Variants in RBBP4 observed in about 807,000 individuals in gnomAD.
The protein encoded by RBBP4 is histone-binding protein RBBP4.
Under a neutral mutation model 57.2 loss-of-function variants are expected in RBBP4, and 3 were observed. The ratio of observed to expected loss-of-function variants is 0.05; its 90% CI spans 0.02 to 0.14. The LOEUF (loss-of-function observed/expected upper bound fraction) is 0.14, where lower values mean the gene tolerates loss of function less well. Ranked by LOEUF, RBBP4 falls within the 10% of genes least tolerant of loss-of-function variation. RBBP4 has a pLI of 1.00. For synonymous variants in RBBP4, 151 were observed against 171.5 expected (o/e 0.88, Z 0.93); for missense variants, 107 against 520.6 (o/e 0.21, Z 7.73).
Position 32,683,234 on chromosome 1 carries a change from C to G in RBBP4, c.*3529C>G, listed in dbSNP as rs1159782121. The G allele has an allele frequency of 6.8e-6, 1 of 147,794 alleles. No individual in the cohort carries two copies. The highest frequency in any genetic ancestry group is 1.5e-5 in the Non-Finnish European group (1 of 67,490). 9.2% of individuals were successfully genotyped at this position (147,794 alleles called of 1,614,324 possible). On this transcript the variant is annotated 3_prime_UTR_variant, in exon 12 of 12. Coordinates refer to ENST00000373493, the MANE Select transcript of RBBP4 (RefSeq NM_005610.3). Reference sequence around the variant, plus strand: ...GAGGCAGAGGTCACGCCACTGCACTCCAGCCTGGCAACAGAGCAAGACTCC... The same window carrying G: ...GAGGCAGAGGTCACGCCACTGCACTGCAGCCTGGCAACAGAGCAAGACTCC...
At chr1:32,662,808 A>G (rs1162674827) in intron 3 of RBBP4, among the ~76,000 whole-genome samples, 2 of 149,282 alleles carry the variant, frequency 1.3e-5, no homozygotes, top group African/African-American at 4.9e-5. Context: ...ACGTGGTGAA[A>G]CCCCATCTCT....
Position 32,657,048 on chromosome 1 carries a change from G to A in RBBP4, c.165-379G>A, listed in dbSNP as rs61798953. ...CTCTGCACGTTGGGAGGCTGAGGTG[G>A]GTGGATAATTTGAGGCCAGGCGTTC... On this transcript the variant is annotated intron_variant, in intron 2 of 11. Coordinates refer to ENST00000373493, the MANE Select transcript of RBBP4 (RefSeq NM_005610.3). 6.5e-3 allele frequency among the ~76,000 whole-genome samples: 989 copies of A among 152,192 alleles called. 6 individuals are homozygous for A. Among genetic ancestry groups the A allele is most frequent in the Non-Finnish European group, 0.011 (741 of 67,978 alleles).
At chr1:32,670,541 G>C (rs2148527595) in intron 8 of RBBP4, among the ~76,000 whole-genome samples, 1 of 150,772 alleles carries the variant, frequency 6.6e-6, no homozygotes, top group African/African-American at 2.4e-5. Context: ...TGTAGCCTTT[G>C]CTATCAAGGA....
rs145752475 is a variant in RBBP4, at chr1:32,669,588, T to C, written c.966+25T>C. 399 of 1,582,828 alleles carry C rather than the reference T, an allele frequency of 2.5e-4. 1 individual carries two copies. The highest frequency in any genetic ancestry group is 1.7e-3 in the African/African-American group (124 of 72,960). The stretch of plus-strand genomic sequence containing the variant: ...GGTAAGAGAAACTAATGCTACTATT[T>C]TGTTTGTTTTAAGAAAAACCTGCTG... On this transcript the variant is annotated intron_variant, in intron 8 of 11. Transcript: ENST00000373493. This position sits in a 1 kb window ranked among gnomAD's most constrained non-coding sequence, Gnocchi z 4.9.
chr1:32,676,612 C>CAA (rs1229475952), intron 11 of RBBP4, among the ~76,000 whole-genome samples: 72 of 57,926 alleles, frequency 1.2e-3, no homozygotes, highest in African/African-American at 2.8e-3. Context: ...AACTCCATCT[C>CAA]AAAAAAAAAA....
chr1:32,657,823 A>G (rs1648208391), intron 3 of RBBP4: 2 of 384,954 alleles, frequency 5.2e-6, no homozygotes, highest in African/African-American at 4.2e-5. Flanking sequence ...TGCAATTGAA[A>G]GAAGCAAAAA....
chr1:32,684,051 G>A lies in RBBP4; in HGVS notation c.*4346G>A, dbSNP rs1570892957. 2 of 1,614,214 alleles carry A rather than the reference G, an allele frequency of 1.2e-6. No homozygotes were observed. Among genetic ancestry groups the A allele is most frequent in the African/African-American group, 1.3e-5 (1 of 75,062 alleles). On this transcript the variant is annotated 3_prime_UTR_variant, in exon 12 of 12. Coordinates refer to ENST00000373493, the MANE Select transcript of RBBP4 (RefSeq NM_005610.3). Reference sequence around the variant, plus strand: ...CATTCCACCTGCCTGAGAAGTGGGAGCATCAGCCTGTTCCAGGCTCTTGGG... The same window carrying A: ...CATTCCACCTGCCTGAGAAGTGGGAACATCAGCCTGTTCCAGGCTCTTGGG...
At chr1:32,653,601 G>A (rs958681684) in intron 2 of RBBP4, among the ~76,000 whole-genome samples, 11 of 122,840 alleles carry the variant, frequency 9.0e-5, no homozygotes, top group Non-Finnish European at 1.9e-4. Context: ...TAGAAATTGG[G>A]AGTTAGAAGC....
rs145764736 is a variant in RBBP4 at position 32,658,139 on chromosome 1, C to T, written c.310+567C>T. The stretch of plus-strand genomic sequence containing the variant: ...GAGTGCTGGAATTACAGGCGTGAGC[C>T]ACTGCACCCATCCATATTGCTATAC... On this transcript the variant is annotated intron_variant, in intron 3 of 11. Transcript: ENST00000373493. Among the ~76,000 whole-genome samples the T allele has an allele frequency of 7.6e-3, 1,157 of 152,268 alleles. 20 individuals are homozygous for T. The highest frequency in any genetic ancestry group is 0.027 in the African/African-American group (1,105 of 41,554).
chr1:32,673,143 C>A (rs1648944532), intron 11 of RBBP4, among the ~76,000 whole-genome samples: 1 of 152,138 alleles, frequency 6.6e-6, no homozygotes, highest in South Asian at 2.1e-4. Context: ...CCTTTTCCCT[C>A]TCCTCCTTCT....
At chr1:32,677,533 C>G (rs527932347) in intron 11 of RBBP4, among the ~76,000 whole-genome samples, 1 of 151,788 alleles carries the variant, frequency 6.6e-6, no homozygotes, top group Admixed American at 6.6e-5. Context: ...TTCTTGGGTT[C>G]TGTGAGTCAT....
intron 11 of RBBP4, among the ~76,000 whole-genome samples, chr1:32,678,556 G>C: frequency 9.2e-6 from 1 of 108,306 alleles, no homozygotes; most frequent in African/African-American, 3.4e-5. Context: ...AAATCCTAAA[G>C]TATGTGACAG....
intron 1 of RBBP4, chr1:32,651,581 C>G: frequency 9.9e-7 from 1 of 1,007,374 alleles, no homozygotes; most frequent in Non-Finnish European, 1.4e-6. Context: ...ATCGGTTTCT[C>G]GGCCTCTGTC....
intron 11 of RBBP4, 41 bp from the exon 12 acceptor site, chr1:32,679,599 G>A: frequency 6.6e-7 from 1 of 1,522,872 alleles, no homozygotes; most frequent in South Asian, 1.3e-5. Context: ...AGTTTTAGAA[G>A]AAGTCTTCAT....
At chr1:32,652,850 CA>C (rs1399986986) in intron 2 of RBBP4, among the ~76,000 whole-genome samples, 2 of 152,196 alleles carry the variant, frequency 1.3e-5, no homozygotes, top group Non-Finnish European at 2.9e-5. Context: ...CTGGCCTCAA[CA>C]AAACTTAATT....
At chr1:32,664,859 G>T (rs58974330) in intron 3 of RBBP4, among the ~76,000 whole-genome samples, 10,964 of 152,112 alleles carry the variant, frequency 0.072, 1,315 homozygotes, top group African/African-American at 0.25. Context: ...AATATATAAA[G>T]CAAACCACAC....
Position 32,684,067 on chromosome 1 carries a change from G to T in RBBP4, c.*4362G>T. 1 of 1,614,100 alleles carries T rather than the reference G, an allele frequency of 6.2e-7. No homozygotes were observed. On this transcript the variant is annotated 3_prime_UTR_variant, in exon 12 of 12. Transcript: ENST00000373493. Reference sequence around the variant, plus strand: ...GAAGTGGGAGCATCAGCCTGTTCCAGGCTCTTGGGTAGTAGCATAGCCCTT... The same window carrying T: ...GAAGTGGGAGCATCAGCCTGTTCCATGCTCTTGGGTAGTAGCATAGCCCTT...
intron 2 of RBBP4, among the ~76,000 whole-genome samples, chr1:32,653,734 C>A (rs1648011923): frequency 7.3e-6 from 1 of 136,964 alleles, no homozygotes; most frequent in Admixed American, 8.1e-5. Context: ...TCTCCGCTGA[C>A]TGCAAGCTCC....
At chr1:32,651,509 G>A (rs901184684) in intron 1 of RBBP4, 187 bp downstream of exon 1, 3 of 1,338,840 alleles carry the variant, frequency 2.2e-6, no homozygotes, top group East Asian at 2.9e-5. Context: ...GATTTCGGTC[G>A]CAGCTGGCGA....
Sources: allele counts gnomAD v4.1 joint callset (sites outside exome capture counted in the v4.1 genomes callset), GRCh38; gene constraint gnomAD v4.1.1; non-coding constraint Gnocchi (gnomAD v3.1); transcripts MANE v1.5; gene names NCBI Gene and HGNC (gene_info 2026-07-23, HGNC 2026-07-21).